The following PHLPP1 variants were observed in gnomAD, a reference collection of about 807,000 sequenced individuals.
The protein encoded by PHLPP1 is PH domain and leucine rich repeat protein phosphatase 1, also known as PH domain leucine-rich repeat-containing protein phosphatase 1.
Under a neutral mutation model 117.2 loss-of-function variants are expected in PHLPP1, and 42 were observed. The ratio of observed to expected loss-of-function variants is 0.36; its 90% CI spans 0.28 to 0.46. The LOEUF (loss-of-function observed/expected upper bound fraction) is 0.46, where lower values mean the gene tolerates loss of function less well. Among genes scored for constraint, PHLPP1 ranks in the 20% least tolerant of loss-of-function variants. PHLPP1 has a pLI of 1.00. For synonymous variants in PHLPP1, 1,042 were observed against 970.7 expected (o/e 1.07, Z -1.37); for missense variants, 2,084 against 2,241.9 (o/e 0.93, Z 1.42).
At chr18:62,960,589 C>T (rs537263846) in intron 13 of PHLPP1, among the ~76,000 whole-genome samples, 134 of 152,208 alleles carry the variant, frequency 8.8e-4, no homozygotes, top group Middle Eastern at 3.4e-3. Flanking sequence ...AGGACATTAA[C>T]ATTTAACAGA....
chr18:62,834,317 A>G (rs778129162), intron 2 of PHLPP1, among the ~76,000 whole-genome samples: 4 of 152,094 alleles, frequency 2.6e-5, no homozygotes, highest in Non-Finnish European at 4.4e-5. Context: ...CCTTAATTGC[A>G]AGGGGTCTGA....
At chr18:62,774,545 T>C (rs1436070564) in intron 1 of PHLPP1, among the ~76,000 whole-genome samples, 1 of 152,226 alleles carries the variant, frequency 6.6e-6, no homozygotes, top group African/African-American at 2.4e-5. Flanking sequence ...TGAGCTAATA[T>C]CATAATGATT....
At chr18:62,752,177 A>G (rs1191732946) in intron 1 of PHLPP1, among the ~76,000 whole-genome samples, 1 of 152,230 alleles carries the variant, frequency 6.6e-6, no homozygotes, top group Non-Finnish European at 1.5e-5. Context: ...ACTTGGGCTC[A>G]GGCAGTCTTC....
At chr18:62,931,111 T>G (rs1334475127) in intron 10 of PHLPP1, among the ~76,000 whole-genome samples, 1 of 151,002 alleles carries the variant, frequency 6.6e-6, no homozygotes, top group Non-Finnish European at 1.5e-5. Context: ...GCAGGAGAAT[T>G]GCTTGAACCC....
intron 1 of PHLPP1, among the ~76,000 whole-genome samples, chr18:62,778,818 C>G (rs1186326519): frequency 6.6e-6 from 1 of 152,094 alleles, no homozygotes; most frequent in African/African-American, 2.4e-5. Flanking sequence ...ATGTTTATAG[C>G]TTGATGATGT....
rs567907717 is a variant in PHLPP1, at chr18:62,821,522, C to G, written c.1577-8513C>G. Among the ~76,000 whole-genome samples, 170 of 129,626 alleles carry G rather than the reference C, an allele frequency of 1.3e-3. 1 individual carries two copies. Among genetic ancestry groups the G allele is most frequent in the Non-Finnish European group, 6.7e-4 (43 of 64,586 alleles). 85.0% of individuals were successfully genotyped at this position (129,626 alleles called of 152,430 possible). On this transcript the variant is annotated intron_variant, in intron 1 of 16. Coordinates refer to ENST00000262719, the MANE Select transcript of PHLPP1 (RefSeq NM_194449.4). The stretch of plus-strand genomic sequence containing the variant: ...CGAGATCGCATCAGTATACTGCAGC[C>G]TGGGTGACAGAGTGAGACCCTTTAT...
intron 6 of PHLPP1, among the ~76,000 whole-genome samples, chr18:62,899,473 C>G (rs1488522184): frequency 6.6e-6 from 1 of 152,208 alleles, no homozygotes; most frequent in Non-Finnish European, 1.5e-5. Flanking sequence ...TCTGCCTACT[C>G]TTGGGAATCA....
intron 1 of PHLPP1, among the ~76,000 whole-genome samples, chr18:62,822,564 G>A (rs1000465410): frequency 6.6e-6 from 1 of 152,028 alleles, no homozygotes; most frequent in African/African-American, 2.4e-5. Flanking sequence ...GATTACAGGC[G>A]TGAGCCACTG....
At position 62,902,398 on chromosome 18, in the gene PHLPP1, C is replaced by T. The variant is rs1374677205; in HGVS notation, c.2445-566C>T. 2.0e-5 allele frequency among the ~76,000 whole-genome samples: 3 copies of T among 152,170 alleles called. No individual in the cohort carries two copies. The East Asian group carries it at 5.8e-4, about 29-fold the overall frequency. ...CAGTTGGGAGTCATGTACTTGCATT[C>T]CCATCTCTGGTGCTCCCATTCAGTG... On this transcript the variant is annotated intron_variant, in intron 6 of 16. Coordinates refer to ENST00000262719, the MANE Select transcript of PHLPP1 (RefSeq NM_194449.4).
intron 10 of PHLPP1, among the ~76,000 whole-genome samples, chr18:62,938,994 C>CTTTCTTTTTTTTTT (rs368316862): frequency 7.8e-6 from 1 of 128,680 alleles, no homozygotes; most frequent in Non-Finnish European, 1.6e-5. Context: ...TTCTTTCTTT[C>CTTTCTTTTTTTTTT]TTTTTTTTTT....
At chr18:62,942,828 C>T (rs1910167784) in intron 11 of PHLPP1, among the ~76,000 whole-genome samples, 1 of 152,126 alleles carries the variant, frequency 6.6e-6, no homozygotes, top group South Asian at 2.1e-4. Flanking sequence ...TTCAGGGCTA[C>T]CAGTCTGTTC....
chr18:62,779,150 G>A (rs918437092), intron 1 of PHLPP1, among the ~76,000 whole-genome samples: 3 of 151,990 alleles, frequency 2.0e-5, no homozygotes, highest in Non-Finnish European at 4.4e-5. Context: ...TCCTCCCCTT[G>A]GTAGCCTTGC....
intron 11 of PHLPP1, among the ~76,000 whole-genome samples, 163 bp downstream of exon 11, chr18:62,942,081 A>G (rs1910146967): frequency 6.6e-6 from 1 of 152,218 alleles, no homozygotes; most frequent in South Asian, 2.1e-4. Flanking sequence ...ACATTTCCCT[A>G]AAGAGAAGTA....
At chr18:62,943,424 C>T (rs1910188045) in intron 11 of PHLPP1, among the ~76,000 whole-genome samples, 1 of 152,060 alleles carries the variant, frequency 6.6e-6, no homozygotes, top group South Asian at 2.1e-4. Context: ...TTTTATGTGG[C>T]GAGTTGGAAA....
In PHLPP1 at chr18:62,715,828, C is replaced by G. The variant is rs1910705174; in HGVS notation, c.145C>G (p.Arg49Gly). 1.3e-6 allele frequency: 1 copy of G among 742,744 alleles called. No homozygotes were observed. Among genetic ancestry groups the G allele is most frequent in the Non-Finnish European group, 1.6e-6 (1 of 607,592 alleles). 46.0% of individuals were successfully genotyped at this position (742,744 alleles called of 1,614,324 possible). A position where few individuals can be genotyped will look rare whatever the true frequency, so the allele number is the denominator to read the frequency against. ...TCTGGCGGCGGCGGCCGGGGGCGGC[C>G]GGAGTCCGGAGCCCGCGCTGACCCC... ...AALAAAAGGG[R>G]SPEPALTPAA... is the part of the protein sequence containing the mutation. The change falls in exon 1 of 17, where the codon CGG becomes GGG. Residue 49 changes from arginine to glycine, a missense_variant. By Grantham distance (125) the Arg-to-Gly change is moderately radical (BLOSUM62 -2). Around this residue, in one of 2 missense-constraint regions of PHLPP1, gnomAD observed 719 missense variants for 636.0 expected, o/e 1.13. Transcript: ENST00000262719.
chr18:62,738,046 T>C (rs1350001828), intron 1 of PHLPP1, among the ~76,000 whole-genome samples: 5 of 152,134 alleles, frequency 3.3e-5, no homozygotes, highest in Admixed American at 3.3e-4. Context: ...TACCTATAGG[T>C]AGAACATTAG....
At chr18:62,937,016 A>G (rs191767428) in intron 10 of PHLPP1, among the ~76,000 whole-genome samples, 41 of 152,354 alleles carry the variant, frequency 2.7e-4, no homozygotes, top group African/African-American at 9.1e-4. Context: ...TTAATGGTAT[A>G]TAAGTCCCAG....
At chr18:62,838,061 A>T (rs1478936094) in intron 2 of PHLPP1, 2 of 150,582 alleles carry the variant, frequency 1.3e-5, no homozygotes, top group South Asian at 2.1e-4. Context: ...TCAATTGAAA[A>T]AAATATATAT....
intron 8 of PHLPP1, among the ~76,000 whole-genome samples, chr18:62,914,337 G>T (rs1157662548): frequency 1.3e-5 from 2 of 152,134 alleles, no homozygotes; most frequent in Non-Finnish European, 2.9e-5. Context: ...CTTGGCATAG[G>T]TCTATAGACC....
Sources: gnomAD v4.1 joint callset for allele counts (sites outside exome capture counted in the v4.1 genomes callset) on GRCh38, gnomAD v4.1.1 for gene constraint, gnomAD v4.1.1 regional missense constraint, MANE v1.5 for transcripts, NCBI Gene and HGNC (gene_info 2026-07-23, HGNC 2026-07-21) for gene names.